Variants in HS3ST3A1 observed in about 807,000 individuals in gnomAD.
HS3ST3A1 encodes heparan sulfate-glucosamine 3-sulfotransferase 3A1.
Under a neutral mutation model 25.7 loss-of-function variants are expected in HS3ST3A1, and 19 were observed. The ratio of observed to expected loss-of-function variants is 0.74; its 90% CI spans 0.52 to 1.08. HS3ST3A1 has a LOEUF of 1.08. Ranked by LOEUF, HS3ST3A1 falls within the 50% of genes least tolerant of loss-of-function variation. The pLI is 0.00. For synonymous variants in HS3ST3A1, 226 were observed against 278.6 expected (o/e 0.81, Z 1.88); for missense variants, 459 against 594.3 (o/e 0.77, Z 2.37).
At chr17:13,503,641 C>T (rs1905562277) in intron 1 of HS3ST3A1, among the ~76,000 whole-genome samples, 1 of 152,132 alleles carries the variant, frequency 6.6e-6, no homozygotes, top group African/African-American at 2.4e-5. Flanking sequence ...CTTCATCGGT[C>T]ATCAGGAAAA....
chr17:13,557,204 T>C (rs1907406981), intron 1 of HS3ST3A1, among the ~76,000 whole-genome samples: 1 of 152,214 alleles, frequency 6.6e-6, no homozygotes, highest in Admixed American at 6.5e-5. Context: ...TCCGCCTCTT[T>C]TCCCCTCTTC....
intron 1 of HS3ST3A1, among the ~76,000 whole-genome samples, chr17:13,569,222 C>T (rs1378895724): frequency 6.6e-6 from 1 of 152,210 alleles, no homozygotes; most frequent in East Asian, 1.9e-4. Context: ...CCCCCACTTA[C>T]TGCCCTGGCA....
chr17:13,523,693 T>G (rs924016914), intron 1 of HS3ST3A1, among the ~76,000 whole-genome samples: 1 of 152,216 alleles, frequency 6.6e-6, no homozygotes, highest in African/African-American at 2.4e-5. Context: ...TTTTTGCCTG[T>G]TTTCAATTGG....
At chr17:13,546,325 G>A (rs1598422192) in intron 1 of HS3ST3A1, among the ~76,000 whole-genome samples, 2 of 152,108 alleles carry the variant, frequency 1.3e-5, no homozygotes, top group East Asian at 1.9e-4. Context: ...GAGTGCAGCG[G>A]CGTGATCTTG....
In HS3ST3A1 at chr17:13,546,878, G is replaced by A. The variant is rs113334478; in HGVS notation, c.600-50060C>T. On this transcript the variant is annotated intron_variant, in intron 1 of 1. Coordinates refer to ENST00000284110, the MANE Select transcript of HS3ST3A1 (RefSeq NM_006042.3). The stretch of plus-strand genomic sequence containing the variant: ...GGGATTCTGGAGACAAGTGTAGGGA[G>A]AGCTGAGAAAAATGTGTTTAATCTT... Among the ~76,000 whole-genome samples the A allele has an allele frequency of 2.7e-3, 411 of 151,908 alleles. 4 individuals are homozygous for A. The highest frequency in any genetic ancestry group is 9.0e-3 in the African/African-American group (371 of 41,426).
At chr17:13,516,927 C>T (rs1906073904) in intron 1 of HS3ST3A1, among the ~76,000 whole-genome samples, 1 of 152,028 alleles carries the variant, frequency 6.6e-6, no homozygotes, top group South Asian at 2.1e-4. Context: ...ACCTCGTGAC[C>T]CGCCCGCCTC....
At chr17:13,547,998 C>G (rs1907135622) in intron 1 of HS3ST3A1, among the ~76,000 whole-genome samples, 1 of 147,100 alleles carries the variant, frequency 6.8e-6, no homozygotes, top group South Asian at 2.2e-4. Context: ...TGTTATTAAA[C>G]ACAGCACAGT....
At chr17:13,529,515 A>T (rs557846387) in intron 1 of HS3ST3A1, among the ~76,000 whole-genome samples, 1 of 152,320 alleles carries the variant, frequency 6.6e-6, no homozygotes, top group East Asian at 1.9e-4. Context: ...TTTTTCATTA[A>T]AATGCTTTCC....
intron 1 of HS3ST3A1, among the ~76,000 whole-genome samples, chr17:13,503,298 G>A (rs1905548316): frequency 6.6e-6 from 1 of 151,862 alleles, no homozygotes; most frequent in South Asian, 2.1e-4. Flanking sequence ...GTAAAGTTTT[G>A]TTAACAAAAT....
intron 1 of HS3ST3A1, among the ~76,000 whole-genome samples, chr17:13,579,943 T>TAAAAAAAA (rs66568347): frequency 9.8e-5 from 8 of 81,926 alleles, no homozygotes; most frequent in Admixed American, 1.6e-4. Flanking sequence ...TGACTCTGTC[T>TAAAAAAAA]AAAAAAAAAA....
At chr17:13,555,589 T>C (rs900064068) in intron 1 of HS3ST3A1, among the ~76,000 whole-genome samples, 2 of 152,204 alleles carry the variant, frequency 1.3e-5, no homozygotes, top group African/African-American at 4.8e-5. Flanking sequence ...CTCAAGTCGA[T>C]GTTAGACTGT....
chr17:13,504,858 C>G (rs972187321), intron 1 of HS3ST3A1, among the ~76,000 whole-genome samples: 5 of 152,198 alleles, frequency 3.3e-5, no homozygotes, highest in Non-Finnish European at 7.3e-5. Context: ...ATAAGGACAG[C>G]AGCTGCCCCT....
chr17:13,590,430 C>T (rs1245826085), intron 1 of HS3ST3A1, among the ~76,000 whole-genome samples: 1 of 151,918 alleles, frequency 6.6e-6, no homozygotes, highest in East Asian at 1.9e-4. Flanking sequence ...TGGAGATGGG[C>T]AATTATTTCC....
chr17:13,558,515 A>C (rs1047680842), intron 1 of HS3ST3A1, among the ~76,000 whole-genome samples: 1 of 152,220 alleles, frequency 6.6e-6, no homozygotes, highest in Non-Finnish European at 1.5e-5. Context: ...AAGAAAGCAA[A>C]TGATAAAAAT....
intron 1 of HS3ST3A1, among the ~76,000 whole-genome samples, chr17:13,562,607 A>AG (rs35713475): frequency 0.58 from 88,613 of 151,632 alleles, 26,141 homozygotes; most frequent in East Asian, 0.65. Flanking sequence ...CTCAAGCTTC[A>AG]GCCCTTCCCC....
Position 13,585,201 on chromosome 17 carries a change from T to TC in HS3ST3A1, c.599+15329_599+15330insG, listed in dbSNP as rs1412701804. On this transcript the variant is annotated intron_variant, in intron 1 of 1. Coordinates refer to ENST00000284110, the MANE Select transcript of HS3ST3A1 (RefSeq NM_006042.3). Reference sequence around the variant, plus strand: ...TTTTTCTGTGCTTTTTTTTTTTTTTTTTTTTTTTTTTTTTTTGAGACAGAG... The same window carrying TC: ...TTTTTCTGTGCTTTTTTTTTTTTTTTCTTTTTTTTTTTTTTTTGAGACAGAG... Among the ~76,000 whole-genome samples, 6 of 120,760 alleles carry TC rather than the reference T, an allele frequency of 5.0e-5. 1 individual carries two copies. The highest frequency in any genetic ancestry group is 1.7e-4 in the Admixed American group (2 of 11,724). 79.2% of individuals were successfully genotyped at this position (120,760 alleles called of 152,430 possible).
At position 13,595,989 on chromosome 17, in the gene HS3ST3A1, G is replaced by C. The variant is rs149130822; in HGVS notation, c.599+4542C>G. 1.8e-3 allele frequency among the ~76,000 whole-genome samples: 270 copies of C among 152,194 alleles called. 1 individual carries two copies. Among genetic ancestry groups the C allele is most frequent in the African/African-American group, 6.3e-3 (261 of 41,508 alleles). On this transcript the variant is annotated intron_variant, in intron 1 of 1. Transcript: ENST00000284110. ...TTACACAGGCTTATTTCATTCCCAT[G>C]ACCCTGCCAAAATACAGATTTGGCA...
intron 1 of HS3ST3A1, among the ~76,000 whole-genome samples, chr17:13,575,350 A>G (rs1292351740): frequency 1.3e-5 from 2 of 152,256 alleles, no homozygotes; most frequent in African/African-American, 4.8e-5. Context: ...TTTTGATTTC[A>G]TAATTTGCCA....
At chr17:13,498,945 G>GT (rs11459083) in intron 1 of HS3ST3A1, among the ~76,000 whole-genome samples, 61,893 of 140,956 alleles carry the variant, frequency 0.44, 13,172 homozygotes, top group Admixed American at 0.53. Context: ...TCCTATTTTT[G>GT]TTTTTTTTTT....
Sources: gnomAD v4.1 joint callset for allele counts (sites outside exome capture counted in the v4.1 genomes callset) on GRCh38, gnomAD v4.1.1 for gene constraint, MANE v1.5 for transcripts, NCBI Gene and HGNC (gene_info 2026-07-23, HGNC 2026-07-21) for gene names.